The following EPHA6 variants were observed in gnomAD, a reference collection of about 807,000 sequenced individuals.
EPHA6 encodes EPH receptor A6, also known as ephrin type-A receptor 6.
Under a neutral mutation model 112.0 loss-of-function variants are expected in EPHA6, and 50 were observed. That is an observed-to-expected ratio of 0.45 (90% confidence interval 0.36 to 0.56). The LOEUF (loss-of-function observed/expected upper bound fraction) is 0.56. Ranked by LOEUF, EPHA6 falls within the 20% of genes least tolerant of loss-of-function variation. The probability of loss-of-function intolerance (pLI) is 0.00; values close to 1 mark genes in which losing one functional copy is unlikely to be tolerated. For missense variants in EPHA6, 1,280 were observed against 1,417.4 expected, an observed-to-expected ratio of 0.90 and a Z score of 1.56; for synonymous variants, 529 against 490.7, an observed-to-expected ratio of 1.08 and a Z score of -1.03.
rs144431704 is a variant in EPHA6, at chr3:97,342,466, C to G, written c.1607-62684C>G. ...TTGATTTTTGCCTGTATACTTTTCCCTTTTCCAGAAGGTCATACAAATAGA... is the reference window on the plus strand; with the variant it reads ...TTGATTTTTGCCTGTATACTTTTCCGTTTTCCAGAAGGTCATACAAATAGA... On this transcript the variant is annotated intron_variant, in intron 5 of 17. Coordinates refer to ENST00000389672, the MANE Select transcript of EPHA6 (RefSeq NM_001080448.3). 1.3e-4 allele frequency among the ~76,000 whole-genome samples: 20 copies of G among 152,248 alleles called. No individual in the cohort carries two copies. In the East Asian group the frequency reaches 3.9e-3, roughly 29 times the overall value.
intron 10 of EPHA6, among the ~76,000 whole-genome samples, chr3:97,497,359 G>A (rs548483209): frequency 6.6e-6 from 1 of 152,114 alleles, no homozygotes; most frequent in Admixed American, 6.6e-5. Flanking sequence ...GAAGCTCTTA[G>A]CTCCAGTAAC....
chr3:96,883,477 GAA>G (rs995092815), intron 2 of EPHA6, among the ~76,000 whole-genome samples: 2 of 152,130 alleles, frequency 1.3e-5, no homozygotes, highest in Non-Finnish European at 2.9e-5. Context: ...TCATGGTCAT[GAA>G]ATCCTTGCTT....
intron 5 of EPHA6, among the ~76,000 whole-genome samples, chr3:97,321,691 A>G (rs1310296771): frequency 4.6e-5 from 7 of 151,950 alleles, no homozygotes; most frequent in African/African-American, 1.7e-4. Context: ...TAAAAAAAAA[A>G]TAAACCAGGG....
intron 11 of EPHA6, among the ~76,000 whole-genome samples, chr3:97,558,131 A>G (rs1460872278): frequency 6.6e-6 from 1 of 151,994 alleles, no homozygotes; most frequent in Admixed American, 6.6e-5. Flanking sequence ...CTAGTGTTGA[A>G]CCTTTCTACT....
intron 14 of EPHA6, among the ~76,000 whole-genome samples, chr3:97,704,581 T>C (rs537293970): frequency 2.0e-5 from 3 of 152,314 alleles, no homozygotes; most frequent in African/African-American, 7.2e-5. Context: ...TATCTGTCCA[T>C]ATCCTATTGG....
At chr3:96,987,288 T>G (rs777443989) in intron 2 of EPHA6, 42 bp from the exon 3 acceptor site, 1 of 1,501,712 alleles carries the variant, frequency 6.7e-7, no homozygotes, top group South Asian at 1.3e-5. Flanking sequence ...GTTTAATCAC[T>G]GTGGTTTAAA....
chr3:97,205,518 C>G (rs1285022619), intron 3 of EPHA6, among the ~76,000 whole-genome samples: 2 of 151,906 alleles, frequency 1.3e-5, no homozygotes, highest in African/African-American at 4.8e-5. Flanking sequence ...TTTTTTCAAC[C>G]AAACACAGCT....
intron 5 of EPHA6, among the ~76,000 whole-genome samples, chr3:97,324,248 T>G (rs779803641): frequency 6.6e-6 from 1 of 151,978 alleles, no homozygotes; most frequent in African/African-American, 2.4e-5. Flanking sequence ...ATTCTAAGAC[T>G]CTCTTGAACC....
At chr3:96,815,781 A>G (rs1191647015) in intron 1 of EPHA6, among the ~76,000 whole-genome samples, 1 of 152,166 alleles carries the variant, frequency 6.6e-6, no homozygotes, top group African/African-American at 2.4e-5. Flanking sequence ...CCCTTTTTCT[A>G]TTCATACAAT....
intron 13 of EPHA6, among the ~76,000 whole-genome samples, chr3:97,621,121 G>A (rs945518356): frequency 6.6e-6 from 1 of 151,986 alleles, no homozygotes; most frequent in African/African-American, 2.4e-5. Context: ...CAGGCACAAG[G>A]ATGGAACTAG....
At chr3:97,270,557 A>G (rs2079843915) in intron 5 of EPHA6, among the ~76,000 whole-genome samples, 1 of 152,214 alleles carries the variant, frequency 6.6e-6, no homozygotes, top group South Asian at 2.1e-4. Context: ...TGCCTAAAAC[A>G]ATACAATCTT....
At chr3:96,886,733 G>A (rs181994318) in intron 2 of EPHA6, among the ~76,000 whole-genome samples, 1 of 152,024 alleles carries the variant, frequency 6.6e-6, no homozygotes, top group Admixed American at 6.6e-5. Flanking sequence ...CTGTTTTTTT[G>A]TTTGTTTTTT....
chr3:97,538,981 C>CTTTCTTTCTT (rs1553805894), intron 11 of EPHA6, among the ~76,000 whole-genome samples: 1 of 130,156 alleles, frequency 7.7e-6, no homozygotes, highest in African/African-American at 3.0e-5. Flanking sequence ...CACTTTCTCT[C>CTTTCTTTCTT]TCTTTCTTTC....
intron 3 of EPHA6, among the ~76,000 whole-genome samples, chr3:97,066,591 A>G (rs1576424343): frequency 1.3e-5 from 2 of 152,150 alleles, no homozygotes; most frequent in East Asian, 3.9e-4. Context: ...AAGACCCAAG[A>G]GAAGGAGAGG....
At chr3:96,839,689 A>G (rs1423582180) in intron 1 of EPHA6, among the ~76,000 whole-genome samples, 1 of 152,084 alleles carries the variant, frequency 6.6e-6, no homozygotes, top group Non-Finnish European at 1.5e-5. Context: ...TGTTAGTTAA[A>G]AAATAGTTAT....
At chr3:97,259,134 T>G (rs1281410293) in intron 5 of EPHA6, among the ~76,000 whole-genome samples, 1 of 152,188 alleles carries the variant, frequency 6.6e-6, no homozygotes, top group African/African-American at 2.4e-5. Flanking sequence ...TATTAAAGTT[T>G]GTATCCTTTG....
chr3:97,239,788 C>T (rs1023694456), intron 4 of EPHA6, among the ~76,000 whole-genome samples: 1 of 151,630 alleles, frequency 6.6e-6, no homozygotes, highest in Admixed American at 6.6e-5. Flanking sequence ...CTTGGTTTAA[C>T]TTTTATTGAA....
chr3:96,892,954 ATG>A (rs144428670), intron 2 of EPHA6, among the ~76,000 whole-genome samples: 1,374 of 131,990 alleles, frequency 0.01, 6 homozygotes, highest in Middle Eastern at 0.043. Flanking sequence ...ATATATATAT[ATG>A]TGTGTGTGTG....
chr3:97,196,122 G>T (rs1401955183), intron 3 of EPHA6, among the ~76,000 whole-genome samples: 1 of 147,832 alleles, frequency 6.8e-6, no homozygotes, highest in Non-Finnish European at 1.5e-5. Flanking sequence ...TCCTAGATTT[G>T]CCCTTTTGAG....
Sources: allele counts gnomAD v4.1 joint callset (sites outside exome capture counted in the v4.1 genomes callset), GRCh38; gene constraint gnomAD v4.1.1; transcripts MANE v1.5; gene names NCBI Gene and HGNC (gene_info 2026-07-23, HGNC 2026-07-21).